The following NOC3L variants were observed in gnomAD, a reference collection of about 807,000 sequenced individuals.
NOC3L encodes the protein nucleolar complex protein 3 homolog.
A neutral mutation model predicts 102.5 loss-of-function variants in NOC3L; 85 were observed. The ratio of observed to expected loss-of-function variants is 0.83; its 90% confidence interval spans 0.70 to 0.99. NOC3L has a LOEUF of 0.99. NOC3L is among the 50% of genes least tolerant of loss of function. The probability of loss-of-function intolerance (pLI) is 0.00; values close to 1 mark genes in which losing one functional copy is unlikely to be tolerated. For missense variants in NOC3L, 878 were observed against 914.9 expected (o/e 0.96, Z 0.52); for synonymous variants, 303 against 309.4 (o/e 0.98, Z 0.22).
Position 94,358,053 on chromosome 10 carries a change from T to C in NOC3L, c.350+30A>G, listed in dbSNP as rs563130473. On this transcript the variant is annotated intron_variant, in intron 3 of 20. Coordinates refer to ENST00000371361, the MANE Select transcript of NOC3L (RefSeq NM_022451.11). ...CCAAGTTTTTAACACTAAATGGATA[T>C]GAATGATTATAACCCAAATGAAGTA... 6 of 1,429,770 alleles carry C rather than the reference T, an allele frequency of 4.2e-6. No individual in the cohort carries two copies. The South Asian group carries it at 4.6e-5, about 11-fold the overall frequency. The allele number at this position is 1,429,770 out of a possible 1,614,324, so 88.6% of individuals were successfully genotyped here.
the NOC3L span, chr10:94,328,139 A>C: frequency 1.8e-5 from 6 of 334,834 alleles, no homozygotes; most frequent in South Asian, 1.6e-4. Context: ...CAACCAATTT[A>C]CTGATGAATG....
Position 94,353,035 on chromosome 10 carries a change from C to A in NOC3L, c.719G>T (p.Arg240Leu), listed in dbSNP as rs989221465. The change falls in exon 7 of 21, where the codon CGT becomes CTT. Residue 240 changes from arginine to leucine, a missense_variant. Transcript: ENST00000371361. ...ENNIKKLKEL[R>L]SMLMEQDPDV... ...AGGATCTTGTTCCATCAACATAGAACGTAATTCTTTCAATTTTTTAATCTG... is the reference window on the plus strand; with the variant it reads ...AGGATCTTGTTCCATCAACATAGAAAGTAATTCTTTCAATTTTTTAATCTG... 8 of 1,604,752 alleles carry A rather than the reference C, an allele frequency of 5.0e-6. No individual in the cohort carries two copies. The Admixed American group carries it at 8.7e-5, about 18-fold the overall frequency.
chr10:94,350,000 T>G, intron 9 of NOC3L, 113 bp downstream of exon 9: 3 of 897,554 alleles, frequency 3.3e-6, no homozygotes, highest in South Asian at 1.6e-5. Context: ...CCTCGTGATC[T>G]GCCTGCCTCG....
chr10:94,345,990 TAAAGTTTCC>T (rs914995702), intron 11 of NOC3L, among the ~76,000 whole-genome samples: 10 of 152,134 alleles, frequency 6.6e-5, no homozygotes, highest in Non-Finnish European at 1.5e-5. Flanking sequence ...AATAAATAAA[TAAAGTTTCC>T]AAAGTTTCAG....
chr10:94,326,421 A>T, the NOC3L span, among the ~76,000 whole-genome samples: 123 of 152,340 alleles, frequency 8.1e-4, 1 homozygote, highest in African/African-American at 2.8e-3. Context: ...TACACTCTGC[A>T]GTGGTCAAAA....
chr10:94,331,311 C>T (rs1020333902), downstream of NOC3L: 1 of 152,178 alleles, frequency 6.6e-6, no homozygotes, highest in Admixed American at 6.5e-5. Context: ...TATCAATTTA[C>T]CTTTTGCTAA....
chr10:94,357,172 A>G lies in NOC3L; in HGVS notation c.508+2T>C. The G allele has an allele frequency of 6.5e-7, 1 of 1,550,376 alleles. No homozygotes were observed. The highest frequency in any genetic ancestry group is 8.7e-7 in the Non-Finnish European group (1 of 1,149,366). ...CTAATATTACCAGTTTATTAGACTC[A>G]CCTGGCTTCTCCCTAGTCTGTGGGA... On this transcript the variant is annotated splice_donor_variant, in intron 4 of 20. Coordinates refer to ENST00000371361, the MANE Select transcript of NOC3L (RefSeq NM_022451.11). LOFTEE classifies it high-confidence loss of function.
Position 94,334,155 on chromosome 10 carries a change from GT to G in NOC3L, c.*21del. On this transcript the variant is annotated 3_prime_UTR_variant, in exon 21 of 21. Coordinates refer to ENST00000371361, the MANE Select transcript of NOC3L (RefSeq NM_022451.11). ...TCTGCACACACAAATATACAAGAAA[GT>G]CCACTGACTTCATTCCTCTACTAGT... 9.5e-7 allele frequency: 1 copy of G among 1,056,282 alleles called. No individual in the cohort carries two copies. Among genetic ancestry groups the G allele is most frequent in the Non-Finnish European group, 1.5e-6 (1 of 684,302 alleles). 65.4% of individuals were successfully genotyped at this position (1,056,282 alleles called of 1,614,324 possible). A position where few individuals can be genotyped will look rare whatever the true frequency, so the allele number is the denominator to read the frequency against.
At chr10:94,321,887 C>T in the NOC3L span, 7 of 1,601,514 alleles carry the variant, frequency 4.4e-6, no homozygotes, top group East Asian at 1.3e-4. Context: ...CACATTTTTT[C>T]TTTTTAAACA....
At chr10:94,316,903 T>A in the NOC3L span, 1 of 708,118 alleles carries the variant, frequency 1.4e-6, no homozygotes, top group Non-Finnish European at 2.6e-6. Context: ...AACAGTTTTA[T>A]TCTTCTGCAC....
rs1390074907 is a variant in NOC3L at position 94,352,887 on chromosome 10, T to G, written c.858+9A>C. 6.2e-7 allele frequency: 1 copy of G among 1,605,556 alleles called. No homozygotes were observed. The highest frequency in any genetic ancestry group is 1.7e-5 in the Admixed American group (1 of 58,508). On this transcript the variant is annotated intron_variant, in intron 7 of 20. Transcript: ENST00000371361. ...TAGATAGTAATTATATCTAGCAATC[T>G]AGCATTACCTTAGTAGATTTTTCTG...
rs139474804 is a variant in NOC3L, at chr10:94,337,887, C to T, written c.2092-13G>A. On this transcript the variant is annotated splice_polypyrimidine_tract_variant and intron_variant, in intron 18 of 20. Transcript: ENST00000371361. ...GATGATAATGCCTCTGAAGGGAAAA[C>T]GGGACAATCACATTCTGCACAGGTC... 4,753 of 1,590,832 alleles carry T rather than the reference C, an allele frequency of 3.0e-3. 7 individuals carry two copies. The highest frequency in any genetic ancestry group is 3.6e-3 in the Non-Finnish European group (4,228 of 1,159,294).
chr10:94,348,217 T>C (rs1007662575), intron 10 of NOC3L, among the ~76,000 whole-genome samples: 1 of 150,538 alleles, frequency 6.6e-6, no homozygotes, highest in Admixed American at 6.6e-5. Flanking sequence ...ATACCACACA[T>C]ACAAAGATGT....
In NOC3L at chr10:94,349,348, T is replaced by TC. The variant is rs1564914173; in HGVS notation, c.1158dup (p.Lys387GlufsTer4). The TC allele has an allele frequency of 6.3e-6, 10 of 1,580,814 alleles. No homozygotes were observed. Among genetic ancestry groups the TC allele is most frequent in the Non-Finnish European group, 8.5e-6 (10 of 1,171,458 alleles). The stretch of plus-strand genomic sequence containing the variant: ...CCTAATTTATCTTGCTTAAAGAGTT[T>TC]CTTCACAGCTTCACAACACATTTCA... On this transcript the variant is annotated frameshift_variant, in exon 10 of 21. Transcript: ENST00000371361. LOFTEE classifies it high-confidence loss of function.
chr10:94,361,905 A>G (rs771912996), intron 1 of NOC3L, 33 bp from the exon 2 acceptor site: 3 of 1,467,922 alleles, frequency 2.0e-6, no homozygotes, highest in Non-Finnish European at 1.9e-6. Context: ...CTGCATACCC[A>G]GAAACTTATT....
intron 18 of NOC3L, among the ~76,000 whole-genome samples, chr10:94,338,244 C>G (rs936619416): frequency 6.6e-6 from 1 of 152,136 alleles, no homozygotes; most frequent in Non-Finnish European, 1.5e-5. Flanking sequence ...TAGGTGAAAC[C>G]ATCTTGAAAC....
intron 13 of NOC3L, among the ~76,000 whole-genome samples, chr10:94,342,763 A>G (rs1448052572): frequency 6.6e-6 from 1 of 151,770 alleles, no homozygotes; most frequent in Admixed American, 6.6e-5. Context: ...ACAGGACACT[A>G]AACATAGCAT....
chr10:94,336,806 C>A (rs972880364), intron 19 of NOC3L, among the ~76,000 whole-genome samples: 3 of 151,792 alleles, frequency 2.0e-5, no homozygotes, highest in Admixed American at 2.0e-4. Flanking sequence ...CAGTGGCTCA[C>A]GCCTGTAATC....
At chr10:94,332,830 A>C (rs188573483), downstream of NOC3L, 12 of 152,324 alleles carry the variant, frequency 7.9e-5, no homozygotes, top group East Asian at 2.1e-3. Context: ...TGTATTGGTC[A>C]CTTGTGCTCT....
Sources: gnomAD v4.1 joint callset for allele counts (sites outside exome capture counted in the v4.1 genomes callset) on GRCh38, gnomAD v4.1.1 for gene constraint, MANE v1.5 for transcripts, NCBI Gene and HGNC (gene_info 2026-07-23, HGNC 2026-07-21) for gene names.